The following VXN variants were observed in gnomAD, a reference collection of about 807,000 sequenced individuals.
The protein encoded by VXN is vexin.
Under a neutral mutation model 23.1 loss-of-function variants are expected in VXN, and 7 were observed. That is an observed-to-expected ratio of 0.30 (90% CI 0.17 to 0.57). The LOEUF is 0.57. Among genes scored for constraint, VXN ranks in the 20% least tolerant of loss-of-function variants. The pLI, the probability that VXN is intolerant of heterozygous loss-of-function variation, is 0.91. For synonymous variants in VXN, 120 were observed against 105.8 expected, an observed-to-expected ratio of 1.13 and a Z score of -0.83; for missense variants, 238 against 272.6, an observed-to-expected ratio of 0.87 and a Z score of 0.89.
At position 66,510,209 on chromosome 8, in the gene VXN, T is replaced by C. The variant is rs371829487; in HGVS notation, c.342+52T>C. On this transcript the variant is annotated intron_variant, in intron 4 of 5. Transcript: ENST00000305454. ...TATCTGTTGTGCATTAAACTTCTGG[T>C]CATGTCTGATTCTCCTGTGCCATGA... 1.3e-5 allele frequency: 18 copies of C among 1,408,916 alleles called. No individual in the cohort carries two copies. The African/African-American group carries it at 2.4e-4, about 19-fold the overall frequency. The allele number at this position is 1,408,916 out of a possible 1,614,324, so 87.3% of individuals were successfully genotyped here.
At chr8:66,505,257 G>C in intron 2 of VXN, 118 bp from the exon 3 acceptor site, 1 of 1,350,316 alleles carries the variant, frequency 7.4e-7, no homozygotes, top group Non-Finnish European at 1.0e-6. Flanking sequence ...CTGGAATCAC[G>C]AAGGATCCAG....
chr8:66,493,662 T>C lies in VXN; in HGVS notation c.14T>C (p.Ile5Thr). The change falls in exon 1 of 6, where the codon ATT (isoleucine) becomes ACT (threonine). Residue 5 changes from isoleucine (I) to threonine (T), a missense_variant. Coordinates refer to ENST00000305454, the MANE Select transcript of VXN (RefSeq NM_152765.4). MMHQ[I>T]YSCSDENIEV... ...GAGGAGGCTGAAATGATGCATCAGA[T>C]TTACAGCTGCAGTGACGAGAACATA... 1.2e-6 allele frequency: 2 copies of C among 1,613,386 alleles called. No individual in the cohort carries two copies. The highest frequency in any genetic ancestry group is 1.7e-6 in the Non-Finnish European group (2 of 1,179,878).
chr8:66,510,829 G>A (rs1409484286), intron 4 of VXN, among the ~76,000 whole-genome samples: 1 of 152,146 alleles, frequency 6.6e-6, no homozygotes, highest in Non-Finnish European at 1.5e-5. Flanking sequence ...TTATCATAGA[G>A]TCTCCACCAT....
chr8:66,495,896 C>T lies in VXN; in HGVS notation c.71-541C>T, dbSNP rs532246423. ...TTATCCCAAACTAAAACTCTGAATC[C>T]GTTGAACACTAACTCATTCCCCCAC... is the stretch of plus-strand genomic sequence containing the variant. On this transcript the variant is annotated intron_variant, in intron 1 of 5. Transcript: ENST00000305454. 8.5e-5 allele frequency among the ~76,000 whole-genome samples: 13 copies of T among 152,294 alleles called. No homozygotes were observed. The South Asian group carries it at 2.5e-3, about 29-fold the overall frequency.
Position 66,518,485 on chromosome 8 carries a change from T to C in VXN, c.*2409T>C, listed in dbSNP as rs1586525798. 3 of 152,220 alleles carry C rather than the reference T, an allele frequency of 2.0e-5. No homozygotes were observed. The highest frequency in any genetic ancestry group is 7.2e-5 in the African/African-American group (3 of 41,464). The allele number at this position is 152,220 out of a possible 1,614,324, so 9.4% of individuals were successfully genotyped here. ...TTTACTTGGCCAATTCAAATAAAAA[T>C]AAAGTCAGCTTTGTTTGTGACATTC... On this transcript the variant is annotated 3_prime_UTR_variant, in exon 6 of 6. Transcript: ENST00000305454.
chr8:66,513,244 T>C (rs894905545), intron 4 of VXN, among the ~76,000 whole-genome samples: 21 of 152,186 alleles, frequency 1.4e-4, no homozygotes, highest in African/African-American at 5.1e-4. Context: ...TCTCCTGAGT[T>C]TCTCTAGGTC....
intron 3 of VXN, among the ~76,000 whole-genome samples, chr8:66,506,231 C>CTGTGTG (rs1807756632): frequency 1.2e-5 from 1 of 84,788 alleles, no homozygotes; most frequent in Non-Finnish European, 2.3e-5. Context: ...GAGAGAGAGA[C>CTGTGTG]AGTGTGTGTG....
At chr8:66,502,803 T>C (rs762020811) in intron 2 of VXN, among the ~76,000 whole-genome samples, 2 of 150,736 alleles carry the variant, frequency 1.3e-5, no homozygotes, top group Non-Finnish European at 3.0e-5. Flanking sequence ...AGCAACCAAT[T>C]GCACTTGCAC....
Position 66,516,929 on chromosome 8 carries a change from T to G in VXN, c.*853T>G, listed in dbSNP as rs1350908561. 6.6e-6 allele frequency: 1 copy of G among 152,216 alleles called. No individual in the cohort carries two copies. The highest frequency in any genetic ancestry group is 1.5e-5 in the Non-Finnish European group (1 of 68,036). The allele number at this position is 152,216 out of a possible 1,614,324, so 9.4% of individuals were successfully genotyped here. A position where few individuals can be genotyped will look rare whatever the true frequency, so the allele number is the denominator to read the frequency against. On this transcript the variant is annotated 3_prime_UTR_variant, in exon 6 of 6. Coordinates refer to ENST00000305454, the MANE Select transcript of VXN (RefSeq NM_152765.4). ...CAGCAGGTCCTTAACTTCTCTCCAG[T>G]GGACTCCCTGCTTTGCCTACTCTCT...
chr8:66,498,899 C>A, intron 2 of VXN: 1 of 450,906 alleles, frequency 2.2e-6, no homozygotes, highest in South Asian at 1.6e-5. Flanking sequence ...TCCTGAGAAG[C>A]TGCAGAAGAG....
At chr8:66,515,699 T>C (rs566917219) in intron 5 of VXN, among the ~76,000 whole-genome samples, 194 bp from the exon 6 acceptor site, 1 of 152,200 alleles carries the variant, frequency 6.6e-6, no homozygotes, top group Non-Finnish European at 1.5e-5. Context: ...ACCTCCTCCA[T>C]TCATGCCATG....
chr8:66,509,173 G>T (rs1194560674), intron 3 of VXN, among the ~76,000 whole-genome samples: 2 of 152,144 alleles, frequency 1.3e-5, no homozygotes, highest in Non-Finnish European at 2.9e-5. Context: ...TATTTTATTT[G>T]CATTGAGGTG....
chr8:66,501,239 C>T lies in VXN; in HGVS notation c.127-4136C>T, dbSNP rs369647714. 2.6e-5 allele frequency: 4 copies of T among 152,156 alleles called. No homozygotes were observed. The East Asian group carries it at 7.7e-4, about 29-fold the overall frequency. 9.4% of individuals were successfully genotyped at this position (152,156 alleles called of 1,614,324 possible). On this transcript the variant is annotated intron_variant, in intron 2 of 5. Transcript: ENST00000305454. ...GAATACTTCATGAATTTGCGTGTTA[C>T]CCTTGCACAGTGGCCATGCTAATCT... is the stretch of plus-strand genomic sequence containing the variant.
Position 66,505,476 on chromosome 8 carries a change from C to A in VXN, c.228C>A (p.Leu76=). 6.4e-7 allele frequency: 1 copy of A among 1,573,862 alleles called. No homozygotes were observed. The highest frequency in any genetic ancestry group is 8.6e-7 in the Non-Finnish European group (1 of 1,161,122). ...DPGDRRRFGR[L]QTARPPTAHP... ...GCGACCGCCGCAGGTTTGGGCGGCT[C>A]CAGACCGCGCGGCCGCCCACAGCCC... The change falls in exon 3 of 6, where the codon CTC becomes CTA. Residue 76 remains leucine, a synonymous_variant. Transcript: ENST00000305454.
chr8:66,503,426 A>T (rs1279866603), intron 2 of VXN: 1 of 152,142 alleles, frequency 6.6e-6, no homozygotes, highest in Non-Finnish European at 1.5e-5. Context: ...ACAAATAAGG[A>T]GAAGTGTGAA....
intron 2 of VXN, among the ~76,000 whole-genome samples, chr8:66,502,729 A>G (rs774546852): frequency 2.6e-5 from 4 of 152,142 alleles, no homozygotes; most frequent in Non-Finnish European, 5.9e-5. Context: ...AGCCTGGGTG[A>G]CAGAGTGAGA....
intron 3 of VXN, among the ~76,000 whole-genome samples, chr8:66,506,154 G>A (rs1348701400): frequency 6.6e-6 from 1 of 151,990 alleles, no homozygotes. Flanking sequence ...AATGCTGTGG[G>A]GGAGAGAAAA....
chr8:66,515,956 T>C lies in VXN; in HGVS notation c.504T>C (p.Ser168=). The C allele has an allele frequency of 6.2e-7, 1 of 1,613,984 alleles. No homozygotes were observed. The highest frequency in any genetic ancestry group is 8.5e-7 in the Non-Finnish European group (1 of 1,179,960). Residue 168 remains serine (S), a synonymous_variant, in exon 6 of 6, where the codon TCT becomes TCC. Transcript: ENST00000305454. ...CCCTTCCCCAAGGAGCAGAAGCCTC[T>C]CTACCACTGACAGGCAGTGCTTCCT... ...YPALPQGAEA[S]LPLTGSASCG...
intron 1 of VXN, 46 bp downstream of exon 1, chr8:66,493,764 G>C (rs1204557592): frequency 3.3e-6 from 5 of 1,521,494 alleles, no homozygotes; most frequent in Non-Finnish European, 4.6e-6. Flanking sequence ...GGCATCTTAG[G>C]CAGGAGGGGA....
Sources: allele counts gnomAD v4.1 joint callset (sites outside exome capture counted in the v4.1 genomes callset), GRCh38; gene constraint gnomAD v4.1.1; transcripts MANE v1.5; gene names NCBI Gene and HGNC (gene_info 2026-07-23, HGNC 2026-07-21).